ADAMTS6: variants seen among roughly 807,000 people sequenced by gnomAD.
The protein encoded by ADAMTS6 is ADAM metallopeptidase with thrombospondin type 1 motif 6, also known as A disintegrin and metalloproteinase with thrombospondin motifs 6.
In ADAMTS6, 23 loss-of-function variants were observed where a neutral mutation model predicts 144.3. That is an observed-to-expected ratio of 0.16 (90% confidence interval 0.11 to 0.23). The LOEUF is 0.23. Among genes scored for constraint, ADAMTS6 ranks in the 10% least tolerant of loss-of-function variants. ADAMTS6 has a pLI of 1.00. For synonymous variants in ADAMTS6, 444 were observed against 457.5 expected, an observed-to-expected ratio of 0.97 and a Z score of 0.38; for missense variants, 999 against 1,379.6, an observed-to-expected ratio of 0.72 and a Z score of 4.37.
At chr5:65,211,322 C>A (rs949302624) in intron 20 of ADAMTS6, among the ~76,000 whole-genome samples, 2 of 152,234 alleles carry the variant, frequency 1.3e-5, no homozygotes, top group African/African-American at 4.8e-5. Context: ...AGCAAGATGG[C>A]TGGGTGCAGT....
intron 4 of ADAMTS6, among the ~76,000 whole-genome samples, chr5:65,456,001 T>A (rs1759163380): frequency 6.6e-6 from 1 of 151,164 alleles, no homozygotes; most frequent in Non-Finnish European, 1.5e-5. Flanking sequence ...ATCAAAGGCA[T>A]TTTATATATA....
At chr5:65,402,757 GT>G (rs1449029548) in intron 7 of ADAMTS6, among the ~76,000 whole-genome samples, 1 of 151,768 alleles carries the variant, frequency 6.6e-6, no homozygotes, top group African/African-American at 2.4e-5. Flanking sequence ...TGTTACTACT[GT>G]TTTCCCCCGT....
At chr5:65,375,497 A>G (rs1170400636) in intron 7 of ADAMTS6, among the ~76,000 whole-genome samples, 1 of 152,060 alleles carries the variant, frequency 6.6e-6, no homozygotes, top group Non-Finnish European at 1.5e-5. Context: ...GCAGCCAAAA[A>G]ACACATGAAA....
intron 15 of ADAMTS6, among the ~76,000 whole-genome samples, chr5:65,235,743 G>C (rs1356504617): frequency 1.3e-5 from 2 of 152,130 alleles, no homozygotes; most frequent in Non-Finnish European, 2.9e-5. Context: ...GTGGGACCTT[G>C]TGATCGTGTG....
chr5:65,317,538 A>G (rs1745129999), intron 9 of ADAMTS6, among the ~76,000 whole-genome samples: 1 of 152,224 alleles, frequency 6.6e-6, no homozygotes, highest in East Asian at 1.9e-4. Flanking sequence ...CTAGGCAACC[A>G]AAGCAAAAAA....
At chr5:65,284,503 T>G (rs1360956914) in intron 11 of ADAMTS6, among the ~76,000 whole-genome samples, 1 of 152,144 alleles carries the variant, frequency 6.6e-6, no homozygotes, top group Non-Finnish European at 1.5e-5. Context: ...ATTGAATGAA[T>G]ATAAACTATG....
chr5:65,410,220 A>G (rs909966296), intron 7 of ADAMTS6, among the ~76,000 whole-genome samples: 4 of 152,192 alleles, frequency 2.6e-5, no homozygotes, highest in African/African-American at 7.2e-5. Context: ...CAGATAACCA[A>G]CTACGCAACA....
chr5:65,451,398 C>T (rs1210649151), intron 7 of ADAMTS6, 77 bp downstream of exon 7: 41 of 1,560,150 alleles, frequency 2.6e-5, no homozygotes, highest in Non-Finnish European at 3.0e-5. Flanking sequence ...CTGAATGAGG[C>T]TTTACATAGA....
intron 21 of ADAMTS6, 72 bp from the exon 22 acceptor site, chr5:65,188,292 G>A: frequency 2.0e-6 from 3 of 1,466,036 alleles, no homozygotes; most frequent in Non-Finnish European, 2.8e-6. Flanking sequence ...GCTAAGTGAA[G>A]GCACTTTCAC....
At chr5:65,422,369 C>T (rs561852759) in intron 7 of ADAMTS6, among the ~76,000 whole-genome samples, 18 of 152,172 alleles carry the variant, frequency 1.2e-4, no homozygotes, top group Non-Finnish European at 8.8e-5. Flanking sequence ...TGGCGGCTCA[C>T]GCCTGTAATC....
intron 7 of ADAMTS6, among the ~76,000 whole-genome samples, chr5:65,387,209 A>G (rs942463022): frequency 1.3e-5 from 2 of 152,236 alleles, no homozygotes; most frequent in African/African-American, 4.8e-5. Context: ...TTAATTTGAA[A>G]GCTAGAAAAC....
At chr5:65,407,960 C>G (rs987641059) in intron 7 of ADAMTS6, among the ~76,000 whole-genome samples, 11 of 152,074 alleles carry the variant, frequency 7.2e-5, no homozygotes, top group Non-Finnish European at 2.9e-5. Context: ...GAGATTTTGT[C>G]ACCACCAGGC....
In ADAMTS6 at chr5:65,390,926, G is replaced by A. The variant is rs114903298; in HGVS notation, c.1074-56841C>T. Among the ~76,000 whole-genome samples the A allele has an allele frequency of 2.3e-3, 351 of 150,840 alleles. 4 individuals are homozygous for A. Among genetic ancestry groups the A allele is most frequent in the African/African-American group, 8.4e-3 (341 of 40,700 alleles). On this transcript the variant is annotated intron_variant, in intron 7 of 24. Coordinates refer to ENST00000381055, the MANE Select transcript of ADAMTS6 (RefSeq NM_197941.4). ...TATTAAATTATGAAACTGTGCCTTG[G>A]GAAGTTGGTTTTGTTTGTTTTTTGA...
intron 7 of ADAMTS6, among the ~76,000 whole-genome samples, chr5:65,344,397 TC>T (rs1748128568): frequency 6.6e-6 from 1 of 151,874 alleles, no homozygotes; most frequent in East Asian, 1.9e-4. Flanking sequence ...TTTCTATACA[TC>T]CACAAAAATG....
chr5:65,210,874 G>T (rs953661910), intron 20 of ADAMTS6: 1 of 317,302 alleles, frequency 3.2e-6, no homozygotes, highest in Non-Finnish European at 6.0e-6. Context: ...AGAGAATCCA[G>T]TCTATGAGAA....
At chr5:65,343,657 C>T (rs1012044109) in intron 7 of ADAMTS6, among the ~76,000 whole-genome samples, 3 of 151,968 alleles carry the variant, frequency 2.0e-5, no homozygotes, top group African/African-American at 7.2e-5. Flanking sequence ...ATAAATAAAA[C>T]CTCAAAAGCA....
At chr5:65,305,358 T>A (rs1743832367) in intron 9 of ADAMTS6, among the ~76,000 whole-genome samples, 1 of 152,174 alleles carries the variant, frequency 6.6e-6, no homozygotes, top group Non-Finnish European at 1.5e-5. Context: ...ACATATCAAA[T>A]TTATCTGAGT....
Position 65,172,986 on chromosome 5 carries a change from C to G in ADAMTS6, c.2933G>C (p.Gly978Ala). The G allele has an allele frequency of 6.2e-7, 1 of 1,613,864 alleles. No homozygotes were observed. The highest frequency in any genetic ancestry group is 1.1e-5 in the South Asian group (1 of 90,964). The change falls in exon 23 of 25, where the codon GGA (glycine) becomes GCA (alanine). Residue 978 changes from glycine (G) to alanine (A), a missense_variant. Physicochemically the swap from Gly to Ala is moderately conservative, Grantham distance 60. Coordinates refer to ENST00000381055, the MANE Select transcript of ADAMTS6 (RefSeq NM_197941.4). ...WSECTPKCGP[G>A]FKHRIVLCKS... The stretch of plus-strand genomic sequence containing the variant: ...GCACAGAACAATCCGATGCTTGAAT[C>G]CTGGACCACATTTTGGAGTACACTG...
chr5:65,331,666 T>C (rs1382325235), intron 8 of ADAMTS6, among the ~76,000 whole-genome samples: 1 of 151,988 alleles, frequency 6.6e-6, no homozygotes, highest in African/African-American at 2.4e-5. Context: ...GGCCACAGTT[T>C]GCACCCTTAA....
Sources: gnomAD v4.1 joint callset for allele counts (sites outside exome capture counted in the v4.1 genomes callset) on GRCh38, gnomAD v4.1.1 for gene constraint, MANE v1.5 for transcripts, NCBI Gene and HGNC (gene_info 2026-07-23, HGNC 2026-07-21) for gene names.